EPHB1: variants seen among roughly 807,000 people sequenced by gnomAD.
EPHB1 encodes ephrin type-B receptor 1.
Under a neutral mutation model 94.4 loss-of-function variants are expected in EPHB1, and 30 were observed. The observed-to-expected ratio is 0.32, with a 90% confidence interval of 0.24 to 0.43. EPHB1 has a LOEUF of 0.43. Among genes scored for constraint, EPHB1 ranks in the 20% least tolerant of loss-of-function variants. The probability of loss-of-function intolerance (pLI) is 1.00; values close to 1 mark genes in which losing one functional copy is unlikely to be tolerated. For missense variants in EPHB1, 1,055 were observed against 1,308.3 expected (o/e 0.81, Z 2.99); for synonymous variants, 522 against 489.1 (o/e 1.07, Z -0.89).
intron 3 of EPHB1, among the ~76,000 whole-genome samples, chr3:135,032,737 A>T (rs1936519842): frequency 6.6e-6 from 1 of 152,204 alleles, no homozygotes; most frequent in Admixed American, 6.5e-5. Context: ...ATTTTTAAGG[A>T]GAAAATTTCT....
chr3:135,055,915 A>G (rs983183704), intron 3 of EPHB1, among the ~76,000 whole-genome samples: 1 of 152,102 alleles, frequency 6.6e-6, no homozygotes, highest in African/African-American at 2.4e-5. Context: ...CTGTGACCAG[A>G]GGACAGGGAA....
intron 1 of EPHB1, among the ~76,000 whole-genome samples, chr3:134,845,589 C>T (rs562035689): frequency 6.6e-6 from 1 of 151,112 alleles, no homozygotes; most frequent in African/African-American, 2.5e-5. Context: ...GCTTCGAGGT[C>T]TCTGATCCAG....
chr3:135,029,875 T>G lies in EPHB1; in HGVS notation c.806-76573T>G, dbSNP rs978888424. 6.6e-5 allele frequency among the ~76,000 whole-genome samples: 10 copies of G among 152,136 alleles called. No homozygotes were observed. In the East Asian group the frequency reaches 1.5e-3, roughly 24 times the overall value. Reference sequence around the variant, plus strand: ...TTCAGGTATACCAATCAGAGGTAGATTTTGTCTTTTCACATAGTCCCATAT... The same window carrying G: ...TTCAGGTATACCAATCAGAGGTAGAGTTTGTCTTTTCACATAGTCCCATAT... On this transcript the variant is annotated intron_variant, in intron 3 of 15. Transcript: ENST00000398015.
chr3:135,077,640 A>C (rs1937988205), intron 3 of EPHB1, among the ~76,000 whole-genome samples: 1 of 152,210 alleles, frequency 6.6e-6, no homozygotes, highest in Non-Finnish European at 1.5e-5. Flanking sequence ...CTGAAGGAAC[A>C]ACATGTGGGA....
At chr3:134,872,199 C>T (rs755227615) in intron 1 of EPHB1, among the ~76,000 whole-genome samples, 12 of 152,154 alleles carry the variant, frequency 7.9e-5, no homozygotes, top group Admixed American at 3.9e-4. Context: ...GCCTGTGTTC[C>T]GGGTAACTGT....
At chr3:134,955,105 A>ATTTTTTTTTTTTTTTT (rs1174011769) in intron 3 of EPHB1, among the ~76,000 whole-genome samples, 39 of 24,132 alleles carry the variant, frequency 1.6e-3, no homozygotes, top group East Asian at 2.4e-3. Flanking sequence ...TTTTTTTTTA[A>ATTTTTTTTTTTTTTTT]TTTTTTTTTT....
chr3:134,849,852 A>G (rs373486801), intron 1 of EPHB1, among the ~76,000 whole-genome samples: 1 of 152,158 alleles, frequency 6.6e-6, no homozygotes, highest in African/African-American at 2.4e-5. Context: ...TTTTCGCTAC[A>G]TATCTGCCTT....
intron 3 of EPHB1, among the ~76,000 whole-genome samples, chr3:135,105,977 GCATTGAAAAACCGTGGGTCCAACATGT>G (rs1939203275): frequency 6.6e-6 from 1 of 152,128 alleles, no homozygotes; most frequent in African/African-American, 2.4e-5. Context: ...CTGCAACATG[GCATTGAAAAACCGTGGGTCCAACATGT>G]CATTGAAAAA....
chr3:135,180,305 A>G (rs1005005965), intron 10 of EPHB1, among the ~76,000 whole-genome samples: 3 of 152,232 alleles, frequency 2.0e-5, no homozygotes, highest in Non-Finnish European at 4.4e-5. Flanking sequence ...GAAGGCTTTG[A>G]AAGAAATCTA....
At chr3:135,198,696 G>A (rs868107985) in intron 11 of EPHB1, among the ~76,000 whole-genome samples, 7 of 152,312 alleles carry the variant, frequency 4.6e-5, no homozygotes, top group African/African-American at 1.2e-4. Flanking sequence ...CTTGTGAGCC[G>A]TTACTTAGGC....
intron 2 of EPHB1, among the ~76,000 whole-genome samples, chr3:134,932,939 G>A (rs1443283025): frequency 6.6e-6 from 1 of 152,208 alleles, no homozygotes; most frequent in Non-Finnish European, 1.5e-5. Context: ...ACTGAATGGG[G>A]ACTTGGGAGC....
In EPHB1 at chr3:134,951,946, C is replaced by T. The variant is rs375729027; in HGVS notation, c.699C>T (p.Asp233=). 167 of 1,613,888 alleles carry T rather than the reference C, an allele frequency of 1.0e-4. 1 individual carries two copies. Among genetic ancestry groups the T allele is most frequent in the South Asian group, 9.6e-4 (87 of 91,080 alleles). Reference sequence around the variant, plus strand: ...GCATCCCCAACGCAGAGGAAGTGGACGTGCCCATCAAACTCTACTGCAACG... The same window carrying T: ...GCATCCCCAACGCAGAGGAAGTGGATGTGCCCATCAAACTCTACTGCAACG... The part of the protein sequence containing the change: ...GTCIPNAEEV[D]VPIKLYCNGD... The change falls in exon 3 of 16, where the codon GAC becomes GAT. Residue 233 remains aspartate (D), a synonymous_variant. Coordinates refer to ENST00000398015, the MANE Select transcript of EPHB1 (RefSeq NM_004441.5). The surrounding 1 kb of genome is among the most constrained non-coding windows in gnomAD (Gnocchi z 4.5).
chr3:135,136,245 C>T (rs942807652), intron 5 of EPHB1, among the ~76,000 whole-genome samples: 9 of 152,120 alleles, frequency 5.9e-5, no homozygotes, highest in African/African-American at 2.2e-4. Context: ...GGTCATTGGG[C>T]ACATGGTAGA....
chr3:134,996,740 A>G (rs1935007494), intron 3 of EPHB1, among the ~76,000 whole-genome samples: 1 of 151,964 alleles, frequency 6.6e-6, no homozygotes, highest in Non-Finnish European at 1.5e-5. Context: ...ATTAATTTGG[A>G]TCTTAAAAAT....
chr3:134,871,151 T>G (rs1387100935), intron 1 of EPHB1, among the ~76,000 whole-genome samples: 1 of 152,214 alleles, frequency 6.6e-6, no homozygotes, highest in Non-Finnish European at 1.5e-5. Flanking sequence ...AAAACAATAT[T>G]GGATAATGAC....
chr3:135,163,934 G>A (rs934635071), intron 7 of EPHB1, among the ~76,000 whole-genome samples: 1 of 152,160 alleles, frequency 6.6e-6, no homozygotes, highest in Non-Finnish European at 1.5e-5. Flanking sequence ...TTGGGGCAGG[G>A]AGGACCTGTG....
intron 13 of EPHB1, 136 bp from the exon 14 acceptor site, chr3:135,248,180 C>A: frequency 2.7e-6 from 2 of 729,344 alleles, no homozygotes; most frequent in Non-Finnish European, 4.2e-6. Flanking sequence ...TCCATTACAG[C>A]GGAAGGTGTG....
At chr3:135,063,602 G>A (rs76505844) in intron 3 of EPHB1, among the ~76,000 whole-genome samples, 1 of 152,058 alleles carries the variant, frequency 6.6e-6, no homozygotes, top group East Asian at 1.9e-4. Context: ...AAGTCTTCAG[G>A]GTTTTTGAGG....
chr3:135,202,979 A>T (rs538235760), intron 12 of EPHB1, among the ~76,000 whole-genome samples: 2 of 152,364 alleles, frequency 1.3e-5, no homozygotes, highest in South Asian at 4.1e-4. Context: ...CCAAATGCCC[A>T]TCAATGATAG....
Sources: allele counts gnomAD v4.1 joint callset (sites outside exome capture counted in the v4.1 genomes callset), GRCh38; gene constraint gnomAD v4.1.1; non-coding constraint Gnocchi (gnomAD v3.1); transcripts MANE v1.5; gene names NCBI Gene and HGNC (gene_info 2026-07-23, HGNC 2026-07-21).